Variants in UST observed in about 807,000 individuals in gnomAD.
UST encodes the protein uronyl 2-sulfotransferase, also known as chondroitin sulfate 2-O-sulfotransferase.
In UST, 21 loss-of-function variants were observed where a neutral mutation model predicts 45.6. That is an observed-to-expected ratio of 0.46 (90% CI 0.33 to 0.66). UST has a LOEUF of 0.66. UST is among the 30% of genes least tolerant of loss of function. The pLI is 0.02. For synonymous variants in UST, 215 were observed against 200.6 expected, an observed-to-expected ratio of 1.07 and a Z score of -0.61; for missense variants, 463 against 512.4, an observed-to-expected ratio of 0.90 and a Z score of 0.93.
intron 2 of UST, among the ~76,000 whole-genome samples, chr6:148,925,403 G>A (rs1386736793): frequency 6.6e-6 from 1 of 151,838 alleles, no homozygotes; most frequent in Non-Finnish European, 1.5e-5. Flanking sequence ...TGCAGATGAA[G>A]GACTTGCAAC....
chr6:148,761,463 G>C (rs1212013667), intron 1 of UST, among the ~76,000 whole-genome samples: 1 of 151,576 alleles, frequency 6.6e-6, no homozygotes, highest in Non-Finnish European at 1.5e-5. Flanking sequence ...ACAGAAATGT[G>C]ATTGCAGATC....
chr6:148,863,597 T>G (rs752788547), intron 1 of UST, among the ~76,000 whole-genome samples: 3 of 152,342 alleles, frequency 2.0e-5, no homozygotes, highest in African/African-American at 7.2e-5. Flanking sequence ...TTTAGAATTT[T>G]TGGCTTTTCT....
chr6:148,806,273 G>A (rs6916337), intron 1 of UST, among the ~76,000 whole-genome samples: 4,624 of 152,138 alleles, frequency 0.03, 231 homozygotes, highest in African/African-American at 0.1. Context: ...GCCTCATGTC[G>A]ATATTATTTT....
chr6:148,793,675 T>G (rs9390611), intron 1 of UST, among the ~76,000 whole-genome samples: 31,966 of 152,100 alleles, frequency 0.21, 4,193 homozygotes, highest in East Asian at 0.58. Context: ...CTTTTTCAGC[T>G]CCATTATCAT....
In UST at chr6:148,941,434, A is replaced by C. The variant is rs1421252127; in HGVS notation, c.447A>C (p.Gln149His). The C allele has an allele frequency of 1.9e-6, 3 of 1,590,440 alleles. No homozygotes were observed. Among genetic ancestry groups the C allele is most frequent in the African/African-American group, 1.4e-5 (1 of 73,442 alleles). The change falls in exon 3 of 8, where the codon CAA (glutamine) becomes CAC (histidine). Residue 149 changes from glutamine (Q) to histidine (H), a missense_variant and splice_region_variant. By Grantham distance (24) the Gln-to-His change is conservative. Around this residue, in one of 2 missense-constraint regions of UST, gnomAD observed 287 missense variants for 374.2 expected, o/e 0.77. Transcript: ENST00000367463. ...AAACCAGGCTTACTAAAAATGAACA[A>C]GTAAGTTGACTTTGCACATTGTTAA... ...HNKTRLTKNE[Q>H]MELIKNISTA...
rs1358232377 is a variant in UST at position 149,074,237 on chromosome 6, C to T, written c.*121C>T. 1 of 1,141,508 alleles carries T rather than the reference C, an allele frequency of 8.8e-7. No individual in the cohort carries two copies. Among genetic ancestry groups the T allele is most frequent in the Non-Finnish European group, 1.2e-6 (1 of 808,478 alleles). The allele number at this position is 1,141,508 out of a possible 1,614,324, so 70.7% of individuals were successfully genotyped here. A position where few individuals can be genotyped will look rare whatever the true frequency, so the allele number is the denominator to read the frequency against. Reference sequence around the variant, plus strand: ...TGCATTAAAAAGAACAAAACATTCCCACATGTTGGGGTCATTGGGAGATGC... The same window carrying T: ...TGCATTAAAAAGAACAAAACATTCCTACATGTTGGGGTCATTGGGAGATGC... On this transcript the variant is annotated 3_prime_UTR_variant, in exon 8 of 8. Transcript: ENST00000367463.
chr6:148,765,633 A>G (rs1332062879), intron 1 of UST, among the ~76,000 whole-genome samples: 3 of 152,248 alleles, frequency 2.0e-5, no homozygotes, highest in Non-Finnish European at 2.9e-5. Context: ...TAAAGTAAAG[A>G]CAGGCATAGG....
intron 2 of UST, among the ~76,000 whole-genome samples, chr6:148,919,964 C>G (rs1779669624): frequency 6.6e-6 from 1 of 152,170 alleles, no homozygotes; most frequent in African/African-American, 2.4e-5. Flanking sequence ...TTTATTTGAG[C>G]AAAATATGAT....
At chr6:148,943,605 G>A (rs1469780040) in intron 3 of UST, among the ~76,000 whole-genome samples, 1 of 152,196 alleles carries the variant, frequency 6.6e-6, no homozygotes, top group Non-Finnish European at 1.5e-5. Flanking sequence ...GCTCTCATCT[G>A]TTTGGAATGG....
intron 7 of UST, among the ~76,000 whole-genome samples, chr6:149,063,924 G>A (rs532638648): frequency 6.6e-6 from 1 of 152,300 alleles, no homozygotes; most frequent in South Asian, 2.1e-4. Context: ...GAGGTGGATA[G>A]TGCCTCAGAG....
chr6:148,939,783 T>A (rs1315644121), intron 2 of UST, among the ~76,000 whole-genome samples: 1 of 152,184 alleles, frequency 6.6e-6, no homozygotes, highest in Non-Finnish European at 1.5e-5. Flanking sequence ...AACATAAATG[T>A]ATATCTTTAC....
intron 3 of UST, among the ~76,000 whole-genome samples, chr6:148,948,073 C>G (rs368575145): frequency 6.6e-6 from 1 of 152,180 alleles, no homozygotes; most frequent in South Asian, 2.1e-4. Flanking sequence ...CCCTGGTGGA[C>G]TTCTTCTTCA....
chr6:148,919,482 TCAA>T (rs1779660133), intron 2 of UST, among the ~76,000 whole-genome samples: 1 of 152,050 alleles, frequency 6.6e-6, no homozygotes, highest in African/African-American at 2.4e-5. Flanking sequence ...TAGATGACTA[TCAA>T]CACCTGCTTC....
chr6:148,872,645 C>A (rs1229070922), intron 1 of UST, among the ~76,000 whole-genome samples: 1 of 152,210 alleles, frequency 6.6e-6, no homozygotes, highest in Admixed American at 6.5e-5. Context: ...AATTATCTTA[C>A]AGTTCATCTG....
chr6:148,832,793 A>G (rs1002377464), intron 1 of UST, among the ~76,000 whole-genome samples: 2 of 152,194 alleles, frequency 1.3e-5, no homozygotes, highest in African/African-American at 4.8e-5. Context: ...CGGTCAGATG[A>G]GTTTTAGTTG....
At chr6:148,877,968 T>TG (rs1345813273) in intron 1 of UST, among the ~76,000 whole-genome samples, 1 of 18,472 alleles carries the variant, frequency 5.4e-5, no homozygotes. Context: ...CGTGTATGAG[T>TG]GGGGGGATCG....
At chr6:149,058,747 T>C (rs1776608858) in intron 7 of UST, among the ~76,000 whole-genome samples, 3 of 152,184 alleles carry the variant, frequency 2.0e-5, no homozygotes, top group Admixed American at 6.5e-5. Flanking sequence ...GATAAAGACA[T>C]AGTAATTCTC....
In UST at chr6:148,747,283, CG is replaced by C; in HGVS notation, c.-146del. 6 of 961,176 alleles carry C rather than the reference CG, an allele frequency of 6.2e-6. No homozygotes were observed. The highest frequency in any genetic ancestry group is 8.3e-6 in the Non-Finnish European group (6 of 726,740). The allele number at this position is 961,176 out of a possible 1,614,324, so 59.5% of individuals were successfully genotyped here. ...CATGCCGAAGAAAGTCTCCTGAGCC[CG>C]GCAACTTCGGCCCCTCCCCGCCCCC... On this transcript the variant is annotated 5_prime_UTR_variant, in exon 1 of 8. Transcript: ENST00000367463.
chr6:148,778,613 G>A (rs1420746184), intron 1 of UST, among the ~76,000 whole-genome samples: 1 of 152,160 alleles, frequency 6.6e-6, no homozygotes, highest in Non-Finnish European at 1.5e-5. Context: ...TCTGGTGTGG[G>A]GTGCAGTCCT....
Sources: allele counts gnomAD v4.1 joint callset (sites outside exome capture counted in the v4.1 genomes callset), GRCh38; gene constraint gnomAD v4.1.1; regional missense constraint gnomAD v4.1.1; transcripts MANE v1.5; gene names NCBI Gene and HGNC (gene_info 2026-07-23, HGNC 2026-07-21).